The following SMG1 variants were observed in gnomAD, a reference collection of about 807,000 sequenced individuals.
SMG1 encodes SMG1 nonsense mediated mRNA decay associated PI3K related kinase, also known as serine/threonine-protein kinase SMG1.
SMG1 carries 22 observed loss-of-function variants against 419.9 expected under a neutral mutation model. The observed-to-expected ratio is 0.05, with a 90% CI of 0.04 to 0.07. SMG1 has a LOEUF of 0.07. Among genes scored for constraint, SMG1 ranks in the 10% least tolerant of loss-of-function variants. The pLI, the probability that SMG1 is intolerant of heterozygous loss-of-function variation, is 1.00. For synonymous variants in SMG1, 1,538 were observed against 1,553.5 expected (o/e 0.99, Z 0.23); for missense variants, 3,185 against 4,342.0 (o/e 0.73, Z 7.49).
At chr16:18,831,101 G>A (rs2033144193) in intron 51 of SMG1, among the ~76,000 whole-genome samples, 1 of 152,108 alleles carries the variant, frequency 6.6e-6, no homozygotes, top group South Asian at 2.1e-4. Flanking sequence ...TTTTATTTAT[G>A]CACATTTTGA....
intron 1 of SMG1, among the ~76,000 whole-genome samples, chr16:18,907,710 G>T (rs1352242005): frequency 2.0e-5 from 3 of 151,650 alleles, no homozygotes; most frequent in African/African-American, 7.3e-5. Context: ...ACTTAGCCAG[G>T]CCTGGTGGTG....
intron 41 of SMG1, 145 bp from the exon 42 acceptor site, chr16:18,840,091 C>T: frequency 1.5e-6 from 1 of 653,170 alleles, no homozygotes. Context: ...TGTATTAATA[C>T]AAAATAGCTA....
At chr16:18,881,229 T>C (rs1392261972) in intron 10 of SMG1, among the ~76,000 whole-genome samples, 5 of 152,002 alleles carry the variant, frequency 3.3e-5, no homozygotes, top group Non-Finnish European at 5.9e-5. Context: ...ATAAATTATG[T>C]CCCTTTTATT....
chr16:18,876,471 T>A (rs1470138368), intron 12 of SMG1, 78 bp from the exon 13 acceptor site: 7 of 1,423,434 alleles, frequency 4.9e-6, no homozygotes, highest in East Asian at 2.5e-5. Flanking sequence ...AATCACTATC[T>A]GTATTAGTGC....
At chr16:18,883,016 G>A (rs755595821) in intron 9 of SMG1, among the ~76,000 whole-genome samples, 2 of 152,198 alleles carry the variant, frequency 1.3e-5, no homozygotes, top group Non-Finnish European at 2.9e-5. Flanking sequence ...CGTTCTAGGT[G>A]TGGGGGCAAA....
intron 56 of SMG1, 138 bp downstream of exon 56, chr16:18,819,364 C>T: frequency 1.2e-6 from 1 of 809,332 alleles, no homozygotes. Flanking sequence ...TCCTGAAAGG[C>T]CCATCCGTCC....
intron 32 of SMG1, 49 bp from the exon 33 acceptor site, chr16:18,852,254 A>T: frequency 6.2e-7 from 1 of 1,605,012 alleles, no homozygotes; most frequent in Non-Finnish European, 8.5e-7. Flanking sequence ...AAACTTTACC[A>T]TATCAGCAGA....
At chr16:18,892,141 A>G in intron 4 of SMG1, 77 bp downstream of exon 4, 1 of 961,214 alleles carries the variant, frequency 1.0e-6, no homozygotes, top group Non-Finnish European at 1.6e-6. Flanking sequence ...CCCCATTCTT[A>G]AACTACTCAA....
chr16:18,842,527 C>A, intron 39 of SMG1, 73 bp from the exon 40 acceptor site: 1 of 1,485,944 alleles, frequency 6.7e-7, no homozygotes, highest in Admixed American at 1.9e-5. Context: ...TTCAATATGG[C>A]ATAAAAGTAA....
intron 10 of SMG1, among the ~76,000 whole-genome samples, chr16:18,881,233 T>C (rs2036381794): frequency 1.3e-5 from 2 of 152,096 alleles, no homozygotes; most frequent in Non-Finnish European, 2.9e-5. Flanking sequence ...ATTATGTCCC[T>C]TTTATTTTAT....
At chr16:18,905,615 A>ATTTTTT (rs35576204) in intron 1 of SMG1, among the ~76,000 whole-genome samples, 2 of 135,250 alleles carry the variant, frequency 1.5e-5, no homozygotes, top group Non-Finnish European at 1.6e-5. Flanking sequence ...TCTTCATTTC[A>ATTTTTT]TTTTTTTTTT....
chr16:18,887,516 C>CTTGTTTTTT (rs2036664058), intron 6 of SMG1, among the ~76,000 whole-genome samples: 5 of 110,140 alleles, frequency 4.5e-5, no homozygotes, highest in Non-Finnish European at 7.3e-5. Context: ...TTTTTTTTTC[C>CTTGTTTTTT]TTTTTTTTTT....
At chr16:18,837,980 G>T in intron 45 of SMG1, 34 bp downstream of exon 45, 1 of 1,599,876 alleles carries the variant, frequency 6.3e-7, no homozygotes, top group Non-Finnish European at 8.5e-7. Flanking sequence ...TTAATAAAAA[G>T]AAGACAATGA....
chr16:18,888,432 A>G (rs2036731917), intron 6 of SMG1, among the ~76,000 whole-genome samples: 1 of 151,092 alleles, frequency 6.6e-6, no homozygotes, highest in Non-Finnish European at 1.5e-5. Flanking sequence ...TCTGGTCCTA[A>G]GCAATCTCAA....
At chr16:18,905,725 C>A (rs138631626) in intron 1 of SMG1, among the ~76,000 whole-genome samples, 2 of 151,792 alleles carry the variant, frequency 1.3e-5, no homozygotes, top group Admixed American at 1.3e-4. Context: ...GATTCTCCTG[C>A]CTCAGCCTCC....
chr16:18,829,266 T>A lies in SMG1; in HGVS notation c.9603+20A>T, dbSNP rs764474665. ...GTTTCCTACCTTGAGGAAAAACACA[T>A]TATAAACAAAAACACTTACCTGAAA... On this transcript the variant is annotated intron_variant, in intron 54 of 62. Coordinates refer to ENST00000446231, the MANE Select transcript of SMG1 (RefSeq NM_015092.5). 3 of 1,584,224 alleles carry A rather than the reference T, an allele frequency of 1.9e-6. No individual in the cohort carries two copies. Among genetic ancestry groups the A allele is most frequent in the Non-Finnish European group, 2.6e-6 (3 of 1,160,828 alleles).
At chr16:18,861,795 A>G (rs1252741370) in intron 25 of SMG1, among the ~76,000 whole-genome samples, 1 of 151,770 alleles carries the variant, frequency 6.6e-6, no homozygotes, top group Non-Finnish European at 1.5e-5. Context: ...AAAAACAAAC[A>G]AATAAACAAA....
chr16:18,871,525 A>T (rs2035822098), intron 15 of SMG1, 43 bp from the exon 16 acceptor site: 1 of 988,032 alleles, frequency 1.0e-6, no homozygotes, highest in Non-Finnish European at 1.5e-6. Context: ...TAAAAAAAAC[A>T]AAAACCAAAA....
chr16:18,830,463 TGA>T, intron 51 of SMG1, 94 bp from the exon 52 acceptor site: 1 of 1,378,438 alleles, frequency 7.3e-7, no homozygotes, highest in South Asian at 1.3e-5. Context: ...CTGCATGCTG[TGA>T]GAGTCTAGAA....
Sources: gnomAD v4.1 joint callset for allele counts (sites outside exome capture counted in the v4.1 genomes callset) on GRCh38, gnomAD v4.1.1 for gene constraint, MANE v1.5 for transcripts, NCBI Gene and HGNC (gene_info 2026-07-23, HGNC 2026-07-21) for gene names.